Variants in ADGRL3 observed in about 807,000 individuals in gnomAD.
ADGRL3 encodes adhesion G protein-coupled receptor L3.
A neutral mutation model predicts 153.5 loss-of-function variants in ADGRL3; 62 were observed. The ratio of observed to expected loss-of-function variants is 0.40; its 90% confidence interval spans 0.33 to 0.50. The LOEUF is 0.50. ADGRL3 is among the 20% of genes least tolerant of loss of function. The probability of loss-of-function intolerance (pLI) is 0.47; values close to 1 mark genes in which losing one functional copy is unlikely to be tolerated. For missense variants in ADGRL3, 1,641 were observed against 1,859.4 expected (o/e 0.88, Z 2.16); for synonymous variants, 710 against 672.5 (o/e 1.06, Z -0.86).
chr4:61,502,839 A>G (rs1226359744), intron 3 of ADGRL3, among the ~76,000 whole-genome samples: 3 of 152,206 alleles, frequency 2.0e-5, no homozygotes, highest in African/African-American at 7.2e-5. Context: ...TGAAAGAGTC[A>G]GGTTGACTTC....
intron 18 of ADGRL3, among the ~76,000 whole-genome samples, chr4:61,981,115 A>G (rs1003651242): frequency 1.3e-5 from 2 of 152,284 alleles, no homozygotes; most frequent in Admixed American, 1.3e-4. Flanking sequence ...GGAGATGTAC[A>G]TTTCTTCGGA....
intron 2 of ADGRL3, among the ~76,000 whole-genome samples, chr4:61,490,415 G>T (rs2098245697): frequency 6.6e-6 from 1 of 151,614 alleles, no homozygotes; most frequent in South Asian, 2.1e-4. Context: ...CAGGAATTAT[G>T]CCTTGTATAT....
At chr4:61,901,976 A>C (rs779792252) in intron 11 of ADGRL3, among the ~76,000 whole-genome samples, 1 of 152,296 alleles carries the variant, frequency 6.6e-6, no homozygotes, top group African/African-American at 2.4e-5. Flanking sequence ...AAGCTATGAG[A>C]TGTGGAATAA....
At chr4:61,391,687 A>G (rs919139465) in intron 2 of ADGRL3, among the ~76,000 whole-genome samples, 23 of 150,520 alleles carry the variant, frequency 1.5e-4, no homozygotes, top group African/African-American at 5.4e-4. Flanking sequence ...GTTTCTATTT[A>G]TTTCTATTTA....
chr4:61,378,947 A>G (rs2096636321), intron 1 of ADGRL3, among the ~76,000 whole-genome samples: 1 of 151,970 alleles, frequency 6.6e-6, no homozygotes, highest in Non-Finnish European at 1.5e-5. Flanking sequence ...TTTTGCCTTT[A>G]AAGTATTTAT....
At chr4:61,746,406 T>C (rs1018654930) in intron 8 of ADGRL3, among the ~76,000 whole-genome samples, 1 of 152,140 alleles carries the variant, frequency 6.6e-6, no homozygotes, top group Non-Finnish European at 1.5e-5. Context: ...GAATATACAT[T>C]TTTTTCAGCA....
chr4:62,031,649 C>T (rs1023926719), intron 23 of ADGRL3, 39 bp downstream of exon 23: 12 of 1,434,754 alleles, frequency 8.4e-6, no homozygotes, highest in Admixed American at 7.3e-5. Flanking sequence ...AAATGGCATA[C>T]ATTTCATGAT....
At chr4:61,216,325 C>T (rs1742758663) in intron 1 of ADGRL3, among the ~76,000 whole-genome samples, 1 of 151,734 alleles carries the variant, frequency 6.6e-6, no homozygotes, top group African/African-American at 2.4e-5. Flanking sequence ...CGTTTTGTTC[C>T]TAATAAATGA....
intron 17 of ADGRL3, among the ~76,000 whole-genome samples, chr4:61,962,904 GTTTA>G (rs1178278282): frequency 3.3e-5 from 5 of 152,124 alleles, no homozygotes; most frequent in Non-Finnish European, 7.4e-5. Context: ...AAAGCTTACA[GTTTA>G]TTTAGTAGTA....
chr4:61,875,241 TG>T (rs1207934907), intron 9 of ADGRL3, among the ~76,000 whole-genome samples: 4 of 152,204 alleles, frequency 2.6e-5, no homozygotes, highest in African/African-American at 9.6e-5. Flanking sequence ...CCACATTATT[TG>T]GGGTTGGAGG....
rs566386659 is a variant in ADGRL3, at chr4:61,707,178, C to T, written c.584-23444C>T. Among the ~76,000 whole-genome samples the T allele has an allele frequency of 2.6e-5, 4 of 152,044 alleles. No individual in the cohort carries two copies. The South Asian group carries it at 8.3e-4, about 32-fold the overall frequency. On this transcript the variant is annotated intron_variant, in intron 6 of 26. Transcript: ENST00000683033. ...TCTTATATAGGCATGGTTCGTGGTCCCCAAAACAATTAAAATAGTTACATC... is the reference window on the plus strand; with the variant it reads ...TCTTATATAGGCATGGTTCGTGGTCTCCAAAACAATTAAAATAGTTACATC...
intron 1 of ADGRL3, among the ~76,000 whole-genome samples, chr4:61,366,673 TA>T (rs2096404166): frequency 6.6e-6 from 1 of 152,198 alleles, no homozygotes; most frequent in Admixed American, 6.5e-5. Flanking sequence ...ATTTAGGTAA[TA>T]TTTTTTAGTA....
chr4:62,035,076 C>G (rs1442523211), intron 23 of ADGRL3, among the ~76,000 whole-genome samples: 1 of 151,872 alleles, frequency 6.6e-6, no homozygotes, highest in African/African-American at 2.4e-5. Flanking sequence ...TTTTTGTAAT[C>G]TAAAAAATGT....
intron 4 of ADGRL3, among the ~76,000 whole-genome samples, chr4:61,518,439 A>G (rs937539694): frequency 6.6e-6 from 1 of 152,208 alleles, no homozygotes; most frequent in Admixed American, 6.5e-5. Flanking sequence ...ACATCACAGT[A>G]TTAGCTGAGT....
intron 5 of ADGRL3, among the ~76,000 whole-genome samples, chr4:61,625,379 T>C (rs1331873870): frequency 2.0e-5 from 3 of 152,104 alleles, no homozygotes; most frequent in East Asian, 1.9e-4. Context: ...TATTAGATGC[T>C]TTAATGCTAT....
intron 13 of ADGRL3, among the ~76,000 whole-genome samples, chr4:61,934,138 G>A (rs1004964838): frequency 1.3e-5 from 2 of 152,188 alleles, no homozygotes; most frequent in Non-Finnish European, 2.9e-5. Context: ...TTGTATCTAT[G>A]TGTGGGTGTA....
intron 9 of ADGRL3, among the ~76,000 whole-genome samples, chr4:61,840,286 G>A (rs1282897969): frequency 6.6e-6 from 1 of 151,934 alleles, no homozygotes; most frequent in East Asian, 1.9e-4. Context: ...CACCAGGTTG[G>A]CCAGTGTGGT....
At chr4:61,876,784 C>A (rs1241947697) in intron 9 of ADGRL3, among the ~76,000 whole-genome samples, 1 of 150,922 alleles carries the variant, frequency 6.6e-6, no homozygotes, top group African/African-American at 2.4e-5. Flanking sequence ...ATAATCCACC[C>A]CTTGTTTAGC....
intron 1 of ADGRL3, among the ~76,000 whole-genome samples, chr4:61,315,522 T>G (rs1392919175): frequency 1.3e-5 from 2 of 152,108 alleles, no homozygotes; most frequent in South Asian, 2.1e-4. Flanking sequence ...AGCCTGTTAG[T>G]AGCAATGTTA....
Sources: allele counts gnomAD v4.1 joint callset (sites outside exome capture counted in the v4.1 genomes callset), GRCh38; gene constraint gnomAD v4.1.1; transcripts MANE v1.5; gene names NCBI Gene and HGNC (gene_info 2026-07-23, HGNC 2026-07-21).